The following ATF7IP2 variants were observed in gnomAD, a reference collection of about 807,000 sequenced individuals.
The protein encoded by ATF7IP2 is activating transcription factor 7-interacting protein 2.
A neutral mutation model predicts 64.2 loss-of-function variants in ATF7IP2; 42 were observed. The observed-to-expected ratio is 0.65, with a 90% CI of 0.51 to 0.85. The LOEUF (loss-of-function observed/expected upper bound fraction) is 0.85. Ranked by LOEUF, ATF7IP2 falls within the 40% of genes least tolerant of loss-of-function variation. The pLI is 0.00. For synonymous variants in ATF7IP2, 308 were observed against 272.8 expected, an observed-to-expected ratio of 1.13 and a Z score of -1.27; for missense variants, 933 against 784.2, an observed-to-expected ratio of 1.19 and a Z score of -2.27.
Position 10,482,172 on chromosome 16 carries a change from T to G in ATF7IP2, c.1972T>G (p.Ser658Ala). The change falls in exon 14 of 14, where the codon TCA becomes GCA. Residue 658 changes from serine to alanine, a missense_variant. Transcript: ENST00000562102. Reference sequence around the variant, plus strand: ...CAACAGATACTATTTTACTGTCCAATCAAAAGATATTTTTGGACGATATGG... The same window carrying G: ...CAACAGATACTATTTTACTGTCCAAGCAAAAGATATTTTTGGACGATATGG... The part of the protein sequence containing the change: ...ASNRYYFTVQ[S>A]KDIFGRYGPF... 1.9e-6 allele frequency: 3 copies of G among 1,612,786 alleles called. No homozygotes were observed. The highest frequency in any genetic ancestry group is 2.5e-6 in the Non-Finnish European group (3 of 1,178,806).
chr16:10,469,337 C>G (rs1424198562), intron 9 of ATF7IP2, among the ~76,000 whole-genome samples: 1 of 152,012 alleles, frequency 6.6e-6, no homozygotes, highest in South Asian at 2.1e-4. Context: ...ATCAGGCAGT[C>G]TAATACACAT....
chr16:10,436,259 G>C (rs2048415308), intron 6 of ATF7IP2, among the ~76,000 whole-genome samples: 1 of 152,166 alleles, frequency 6.6e-6, no homozygotes, highest in Non-Finnish European at 1.5e-5. Flanking sequence ...CTACTAGGAA[G>C]GCTGAGGCAG....
rs370754353 is a variant in ATF7IP2 at position 10,390,725 on chromosome 16, G to A, written c.-242+4603G>A. 1.7e-3 allele frequency among the ~76,000 whole-genome samples: 263 copies of A among 152,166 alleles called. 10 individuals are homozygous for A. In the South Asian group the frequency reaches 0.053, roughly 31 times the overall value. ...GATTACTTGAGCCTAGGATTTTGAG[G>A]TTGCAGTGAGCTGTGTTCATGCCAC... On this transcript the variant is annotated intron_variant, in intron 1 of 13. Transcript: ENST00000562102.
intron 3 of ATF7IP2, among the ~76,000 whole-genome samples, chr16:10,423,049 C>A (rs112565191): frequency 0.013 from 2,022 of 152,298 alleles, 46 homozygotes; most frequent in African/African-American, 0.046. Flanking sequence ...TCAAGACCAT[C>A]CTGGCTAACA....
At chr16:10,478,050 A>C (rs941849060) in intron 12 of ATF7IP2, among the ~76,000 whole-genome samples, 3 of 151,454 alleles carry the variant, frequency 2.0e-5, no homozygotes, top group Non-Finnish European at 2.9e-5. Flanking sequence ...GGTAGGAAGA[A>C]TCAATATCAT....
Position 10,482,304 on chromosome 16 carries a change from G to A in ATF7IP2, c.*55G>A. 3.0e-6 allele frequency: 4 copies of A among 1,339,520 alleles called. No individual in the cohort carries two copies. Among genetic ancestry groups the A allele is most frequent in the African/African-American group, 2.9e-5 (2 of 68,222 alleles). 83.0% of individuals were successfully genotyped at this position (1,339,520 alleles called of 1,614,324 possible). On this transcript the variant is annotated 3_prime_UTR_variant, in exon 14 of 14. Transcript: ENST00000562102. Reference sequence around the variant, plus strand: ...TTTTTCATATTTGTTTGTTTGCAATGTTACTGTAATACTATTTGCCATTGT... The same window carrying A: ...TTTTTCATATTTGTTTGTTTGCAATATTACTGTAATACTATTTGCCATTGT...
intron 7 of ATF7IP2, 50 bp downstream of exon 7, chr16:10,438,285 T>C (rs1379266567): frequency 1.6e-5 from 24 of 1,537,522 alleles, no homozygotes; most frequent in Non-Finnish European, 2.1e-5. Flanking sequence ...GGGGGTGTTG[T>C]TGCTCTGTTG....
At chr16:10,400,892 C>T (rs2047517921) in intron 1 of ATF7IP2, among the ~76,000 whole-genome samples, 1 of 152,040 alleles carries the variant, frequency 6.6e-6, no homozygotes, top group African/African-American at 2.4e-5. Context: ...ATGTTGTGGC[C>T]AGGCTGGTCT....
At chr16:10,406,685 C>T (rs900398863) in intron 1 of ATF7IP2, among the ~76,000 whole-genome samples, 5 of 152,092 alleles carry the variant, frequency 3.3e-5, no homozygotes, top group Non-Finnish European at 5.9e-5. Context: ...CATTCCTAGG[C>T]ACATACAACC....
chr16:10,388,229 T>C (rs1424346201), intron 1 of ATF7IP2, among the ~76,000 whole-genome samples: 1 of 152,182 alleles, frequency 6.6e-6, no homozygotes, highest in Admixed American at 6.5e-5. Context: ...ATTATTCTGC[T>C]TTACAGTAGA....
chr16:10,434,183 A>G (rs1296626954), intron 6 of ATF7IP2, among the ~76,000 whole-genome samples: 1 of 152,224 alleles, frequency 6.6e-6, no homozygotes, highest in Non-Finnish European at 1.5e-5. Context: ...ATCATTAAAT[A>G]CACTTCTTGC....
Position 10,457,689 on chromosome 16 carries a change from G to GT in ATF7IP2, c.1352+169dup, listed in dbSNP as rs376910055. 6.8e-3 allele frequency: 3,513 copies of GT among 517,058 alleles called. 54 individuals are homozygous for GT. Among genetic ancestry groups the GT allele is most frequent in the African/African-American group, 0.048 (2,315 of 48,706 alleles). 32.0% of individuals were successfully genotyped at this position (517,058 alleles called of 1,614,324 possible). ...TACATATTATACTTCAGTTGTGGGG[G>GT]TTTTTTTTTGGTTTTTGGGTTTTCT... On this transcript the variant is annotated intron_variant, in intron 9 of 13. Coordinates refer to ENST00000562102, the MANE Select transcript of ATF7IP2 (RefSeq NM_001393719.1).
intron 9 of ATF7IP2, among the ~76,000 whole-genome samples, chr16:10,460,516 T>C (rs747158817): frequency 2.0e-5 from 3 of 152,196 alleles, no homozygotes; most frequent in African/African-American, 4.8e-5. Flanking sequence ...GCTGGACAAA[T>C]AGACCAGTGT....
chr16:10,414,940 A>G (rs2047842222), intron 2 of ATF7IP2, among the ~76,000 whole-genome samples: 1 of 152,184 alleles, frequency 6.6e-6, no homozygotes, highest in African/African-American at 2.4e-5. Context: ...AGATACCTAC[A>G]ATGAAGACTG....
At chr16:10,421,766 A>T (rs1368032217) in intron 3 of ATF7IP2, among the ~76,000 whole-genome samples, 1 of 152,238 alleles carries the variant, frequency 6.6e-6, no homozygotes, top group East Asian at 1.9e-4. Flanking sequence ...TTACGAGTAG[A>T]TTCAATTGCT....
intron 9 of ATF7IP2, among the ~76,000 whole-genome samples, chr16:10,462,469 G>T (rs553839072): frequency 2.6e-5 from 4 of 152,004 alleles, no homozygotes; most frequent in Non-Finnish European, 5.9e-5. Context: ...TTTAACTTGG[G>T]TATAGAATTA....
chr16:10,482,262 A>AATGAT lies in ATF7IP2; in HGVS notation c.*16_*20dup. The AATGAT allele has an allele frequency of 6.6e-7, 1 of 1,525,756 alleles. No homozygotes were observed. Among genetic ancestry groups the AATGAT allele is most frequent in the East Asian group, 2.3e-5 (1 of 44,386 alleles). The allele number at this position is 1,525,756 out of a possible 1,614,324, so 94.5% of individuals were successfully genotyped here. On this transcript the variant is annotated 3_prime_UTR_variant, in exon 14 of 14. Transcript: ENST00000562102. ...AAATCTTACGTAAAAGGTGTTTAAT[A>AATGAT]ATGATATACTACTTTTTTTTTCATA...
At chr16:10,393,618 G>T (rs779475006) in intron 1 of ATF7IP2, among the ~76,000 whole-genome samples, 1 of 152,134 alleles carries the variant, frequency 6.6e-6, no homozygotes, top group Non-Finnish European at 1.5e-5. Context: ...TTTAAGGTAG[G>T]CTTAGGTTTT....
intron 10 of ATF7IP2, 53 bp from the exon 11 acceptor site, chr16:10,473,426 C>A: frequency 1.8e-6 from 2 of 1,120,350 alleles, no homozygotes; most frequent in Non-Finnish European, 2.7e-6. Flanking sequence ...TCATATTTCA[C>A]AAAGCCCATA....
Sources: gnomAD v4.1 joint callset for allele counts (sites outside exome capture counted in the v4.1 genomes callset) on GRCh38, gnomAD v4.1.1 for gene constraint, MANE v1.5 for transcripts, NCBI Gene and HGNC (gene_info 2026-07-23, HGNC 2026-07-21) for gene names.